Variants in WDR70 observed in about 807,000 individuals in gnomAD.
WDR70 encodes the protein WD repeat domain 70, also known as WD repeat-containing protein 70.
WDR70 carries 53 observed loss-of-function variants against 88.6 expected under a neutral mutation model. The observed-to-expected ratio is 0.60, with a 90% CI of 0.48 to 0.75. The LOEUF (loss-of-function observed/expected upper bound fraction) is 0.75, where lower values mean the gene tolerates loss of function less well. Among genes scored for constraint, WDR70 ranks in the 30% least tolerant of loss-of-function variants. WDR70 has a pLI of 0.00. For missense variants in WDR70, 610 were observed against 823.2 expected, an observed-to-expected ratio of 0.74 and a Z score of 3.17; for synonymous variants, 280 against 270.0, an observed-to-expected ratio of 1.04 and a Z score of -0.36.
chr5:37,752,808 C>G lies in WDR70; in HGVS notation c.*235C>G, dbSNP rs896219943. 2.0e-5 allele frequency: 8 copies of G among 398,564 alleles called. No homozygotes were observed. The highest frequency in any genetic ancestry group is 1.3e-4 in the African/African-American group (6 of 47,296). The allele number at this position is 398,564 out of a possible 1,614,324, so 24.7% of individuals were successfully genotyped here. ...CAAGAAACAGATTCTTAGTCTATTACCAAGTACTTTAGGTATTTGGAAACT... is the reference window on the plus strand; with the variant it reads ...CAAGAAACAGATTCTTAGTCTATTAGCAAGTACTTTAGGTATTTGGAAACT... On this transcript the variant is annotated 3_prime_UTR_variant, in exon 18 of 18. Transcript: ENST00000265107.
intron 17 of WDR70, among the ~76,000 whole-genome samples, chr5:37,737,634 G>A (rs889809107): frequency 2.5e-4 from 38 of 152,194 alleles, no homozygotes; most frequent in African/African-American, 8.9e-4. Flanking sequence ...AGAAATTGTG[G>A]CACACAGTTA....
intron 9 of WDR70, among the ~76,000 whole-genome samples, chr5:37,563,682 CG>C (rs1742629760): frequency 2.9e-5 from 3 of 103,222 alleles, no homozygotes; most frequent in Admixed American, 1.0e-4. Context: ...CCCTCCCGGA[CG>C]GGGCGGCTGG....
At chr5:37,540,227 C>T (rs892271164) in intron 9 of WDR70, among the ~76,000 whole-genome samples, 2 of 152,112 alleles carry the variant, frequency 1.3e-5, no homozygotes, top group Non-Finnish European at 2.9e-5. Context: ...AGAACAAATA[C>T]GTTTGCTGAA....
intron 8 of WDR70, among the ~76,000 whole-genome samples, chr5:37,515,623 T>C (rs1389925121): frequency 6.6e-6 from 1 of 152,268 alleles, no homozygotes; most frequent in Admixed American, 6.5e-5. Context: ...TCTCCAGGCC[T>C]ATGTATCTTT....
At chr5:37,575,228 A>G (rs1167677932) in intron 9 of WDR70, among the ~76,000 whole-genome samples, 3 of 152,322 alleles carry the variant, frequency 2.0e-5, no homozygotes, top group Admixed American at 2.0e-4. Context: ...GACATCATAA[A>G]AAAATACGTA....
intron 8 of WDR70, among the ~76,000 whole-genome samples, chr5:37,489,547 T>C (rs1283614150): frequency 6.6e-6 from 1 of 151,952 alleles, no homozygotes; most frequent in African/African-American, 2.4e-5. Flanking sequence ...TGTAGATAGA[T>C]ATAAGCAGTG....
intron 9 of WDR70, among the ~76,000 whole-genome samples, chr5:37,520,574 A>G (rs1466533739): frequency 6.6e-6 from 1 of 152,142 alleles, no homozygotes; most frequent in African/African-American, 2.4e-5. Context: ...AGCAATCTAA[A>G]TTAATAATAT....
chr5:37,718,688 A>T (rs1349063008), intron 13 of WDR70, among the ~76,000 whole-genome samples: 1 of 152,176 alleles, frequency 6.6e-6, no homozygotes, highest in East Asian at 1.9e-4. Flanking sequence ...TTTCTCATGG[A>T]GTAATGATTT....
chr5:37,720,907 T>G (rs1407835296), intron 13 of WDR70, among the ~76,000 whole-genome samples: 1 of 152,200 alleles, frequency 6.6e-6, no homozygotes, highest in African/African-American at 2.4e-5. Context: ...TCTTTTTTAT[T>G]TTTATGGAGT....
chr5:37,401,518 T>C (rs935124942), intron 5 of WDR70, among the ~76,000 whole-genome samples: 1 of 151,570 alleles, frequency 6.6e-6, no homozygotes, highest in Non-Finnish European at 1.5e-5. Context: ...AGTTTCACCA[T>C]GTTGGCCAGG....
intron 9 of WDR70, among the ~76,000 whole-genome samples, chr5:37,601,639 A>T (rs1297861447): frequency 1.3e-5 from 2 of 152,112 alleles, no homozygotes; most frequent in African/African-American, 4.8e-5. Context: ...TTATCAGTGA[A>T]GTCATCAGGT....
intron 7 of WDR70, 181 bp from the exon 8 acceptor site, chr5:37,479,653 G>A: frequency 1.6e-6 from 1 of 619,124 alleles, no homozygotes; most frequent in South Asian, 2.2e-5. Context: ...TTATAGGCAT[G>A]AGCTACCTTG....
At position 37,415,916 on chromosome 5, in the gene WDR70, C is replaced by T. The variant is rs370674320; in HGVS notation, c.492+19346C>T. ...GCTCCCCACATCTCAGACGATGGGCCGCCGGGCAGAGACGCTCCTCACTTC... is the reference window on the plus strand; with the variant it reads ...GCTCCCCACATCTCAGACGATGGGCTGCCGGGCAGAGACGCTCCTCACTTC... On this transcript the variant is annotated intron_variant, in intron 5 of 17. Coordinates refer to ENST00000265107, the MANE Select transcript of WDR70 (RefSeq NM_018034.4). Among the ~76,000 whole-genome samples the T allele has an allele frequency of 6.7e-5, 10 of 148,154 alleles. No homozygotes were observed. In the South Asian group the frequency reaches 1.1e-3, roughly 16 times the overall value.
chr5:37,468,341 A>G (rs1739225649), intron 7 of WDR70, among the ~76,000 whole-genome samples: 1 of 152,200 alleles, frequency 6.6e-6, no homozygotes, highest in Non-Finnish European at 1.5e-5. Context: ...AACTTAAAAT[A>G]ATCTATAATC....
intron 9 of WDR70, among the ~76,000 whole-genome samples, chr5:37,584,620 G>A (rs140903860): frequency 7.0e-4 from 107 of 152,178 alleles, no homozygotes; most frequent in African/African-American, 2.5e-3. Flanking sequence ...GGTTGGTCGA[G>A]TGAAAAATTA....
chr5:37,732,373 T>A (rs1748171597), intron 17 of WDR70, among the ~76,000 whole-genome samples: 1 of 152,156 alleles, frequency 6.6e-6, no homozygotes. Flanking sequence ...ATGTACCTAT[T>A]CAATTGTATA....
At chr5:37,399,360 G>A (rs1749128491) in intron 5 of WDR70, among the ~76,000 whole-genome samples, 1 of 152,156 alleles carries the variant, frequency 6.6e-6, no homozygotes, top group African/African-American at 2.4e-5. Context: ...GGCCGACTCT[G>A]CAGTGAGTCA....
Position 37,410,294 on chromosome 5 carries a change from C to G in WDR70, c.492+13724C>G, listed in dbSNP as rs1456622087. Among the ~76,000 whole-genome samples the G allele has an allele frequency of 2.0e-5, 3 of 151,524 alleles. No individual in the cohort carries two copies. The South Asian group carries it at 6.3e-4, about 32-fold the overall frequency. ...GCTCAAGAAATCTGCCTGCCATGGC[C>G]TCCCAAAGTGCTGGGATTATAGTTG... On this transcript the variant is annotated intron_variant, in intron 5 of 17. Transcript: ENST00000265107.
intron 8 of WDR70, among the ~76,000 whole-genome samples, chr5:37,500,020 T>C (rs1166886934): frequency 6.6e-6 from 1 of 152,178 alleles, no homozygotes; most frequent in Non-Finnish European, 1.5e-5. Context: ...AGTGGTGAAG[T>C]GTGAGATTTT....
Sources: allele counts gnomAD v4.1 joint callset (sites outside exome capture counted in the v4.1 genomes callset), GRCh38; gene constraint gnomAD v4.1.1; transcripts MANE v1.5; gene names NCBI Gene and HGNC (gene_info 2026-07-23, HGNC 2026-07-21).